The following MEI4 variants were observed in gnomAD, a reference collection of about 807,000 sequenced individuals.
MEI4 encodes meiosis-specific protein MEI4.
Under a neutral mutation model 31.4 loss-of-function variants are expected in MEI4, and 27 were observed. The observed-to-expected ratio is 0.86, with a 90% CI of 0.63 to 1.19. MEI4 has a LOEUF of 1.19. MEI4 is among the 50% of genes most tolerant of loss of function. The pLI, the probability that MEI4 is intolerant of heterozygous loss-of-function variation, is 0.00. For synonymous variants in MEI4, 122 were observed against 145.4 expected (o/e 0.84, Z 1.16); for missense variants, 329 against 398.9 (o/e 0.82, Z 1.49).
At chr6:77,818,914 G>A (rs1021756266) in intron 3 of MEI4, among the ~76,000 whole-genome samples, 1 of 151,834 alleles carries the variant, frequency 6.6e-6, no homozygotes, top group Non-Finnish European at 1.5e-5. Flanking sequence ...TTATTTGTAT[G>A]TTTTGTAGGT....
At chr6:77,858,015 TG>T (rs1770782968) in intron 4 of MEI4, among the ~76,000 whole-genome samples, 3 of 152,320 alleles carry the variant, frequency 2.0e-5, no homozygotes, top group Admixed American at 1.3e-4. Flanking sequence ...GACATATTTT[TG>T]TGTTTATAAT....
At chr6:77,822,998 A>G (rs1235278436) in intron 3 of MEI4, among the ~76,000 whole-genome samples, 2 of 152,140 alleles carry the variant, frequency 1.3e-5, no homozygotes, top group Non-Finnish European at 2.9e-5. Flanking sequence ...TAGCTGAGTC[A>G]CTGGCACATA....
At chr6:77,780,415 C>T (rs111390721) in intron 3 of MEI4, among the ~76,000 whole-genome samples, 2,229 of 152,156 alleles carry the variant, frequency 0.015, 55 homozygotes, top group African/African-American at 0.05. Context: ...AATAAATGTC[C>T]GCAGGGCCAG....
chr6:77,823,782 A>G (rs1769882081), intron 3 of MEI4, among the ~76,000 whole-genome samples: 1 of 152,194 alleles, frequency 6.6e-6, no homozygotes, highest in South Asian at 2.1e-4. Context: ...TGCTTCAGAA[A>G]GTAGGAAACA....
At chr6:77,778,346 T>A (rs2127689282) in intron 3 of MEI4, among the ~76,000 whole-genome samples, 1 of 152,192 alleles carries the variant, frequency 6.6e-6, no homozygotes, top group South Asian at 2.1e-4. Flanking sequence ...AGGGTGTTAC[T>A]TGCTATGGAA....
At chr6:77,727,988 T>C (rs1766869494) in intron 2 of MEI4, among the ~76,000 whole-genome samples, 1 of 152,210 alleles carries the variant, frequency 6.6e-6, no homozygotes, top group African/African-American at 2.4e-5. Context: ...AGGCAGAGAC[T>C]GTAATTGTAA....
At chr6:77,703,003 T>G (rs2127657197) in intron 2 of MEI4, among the ~76,000 whole-genome samples, 1 of 152,278 alleles carries the variant, frequency 6.6e-6, no homozygotes, top group African/African-American at 2.4e-5. Flanking sequence ...TGGGTCCCCA[T>G]TATATTCTGT....
chr6:77,699,434 C>CGCCCGCCTCG (rs1292308973), intron 2 of MEI4, among the ~76,000 whole-genome samples: 1 of 152,036 alleles, frequency 6.6e-6, no homozygotes, highest in Non-Finnish European at 1.5e-5. Flanking sequence ...CCTCGTGATC[C>CGCCCGCCTCG]GCCCGCCTCG....
At chr6:77,775,150 A>G (rs1487836775) in intron 3 of MEI4, among the ~76,000 whole-genome samples, 1 of 152,072 alleles carries the variant, frequency 6.6e-6, no homozygotes, top group Non-Finnish European at 1.5e-5. Flanking sequence ...TCTTCATCTC[A>G]GATTCTTAAT....
chr6:77,713,963 C>A (rs543736475), intron 2 of MEI4, among the ~76,000 whole-genome samples: 1 of 152,180 alleles, frequency 6.6e-6, no homozygotes, highest in Non-Finnish European at 1.5e-5. Flanking sequence ...TTAGCTCCTA[C>A]TTATAAGTAA....
intron 2 of MEI4, among the ~76,000 whole-genome samples, chr6:77,741,787 A>G (rs1767412379): frequency 9.8e-6 from 1 of 101,808 alleles, no homozygotes; most frequent in Non-Finnish European, 1.8e-5. Flanking sequence ...ACCCCACAAC[A>G]GTCCCCAGAG....
intron 1 of MEI4, among the ~76,000 whole-genome samples, chr6:77,672,708 T>A (rs6909460): frequency 0.37 from 56,932 of 151,890 alleles, 10,911 homozygotes; most frequent in African/African-American, 0.42. Flanking sequence ...CCTGGCTAAT[T>A]TTTGTATTTT....
At chr6:77,696,661 G>T (rs1355848736) in intron 2 of MEI4, among the ~76,000 whole-genome samples, 3 of 151,588 alleles carry the variant, frequency 2.0e-5, no homozygotes, top group South Asian at 4.2e-4. Context: ...GCTGGATTTG[G>T]TTTGCCAGTA....
chr6:77,738,537 G>C (rs1306262252), intron 2 of MEI4, among the ~76,000 whole-genome samples: 1 of 152,088 alleles, frequency 6.6e-6, no homozygotes, highest in Non-Finnish European at 1.5e-5. Context: ...ATTGTAAATA[G>C]TGCTGCAATA....
intron 2 of MEI4, among the ~76,000 whole-genome samples, chr6:77,737,523 G>T (rs1767284394): frequency 6.6e-6 from 1 of 152,188 alleles, no homozygotes; most frequent in Non-Finnish European, 1.5e-5. Context: ...ATTAGGAAAT[G>T]ATCAGAAAGT....
chr6:77,746,457 GC>G (rs1350894275), intron 2 of MEI4, among the ~76,000 whole-genome samples: 1 of 152,038 alleles, frequency 6.6e-6, no homozygotes, highest in Non-Finnish European at 1.5e-5. Flanking sequence ...CTGGGACATG[GC>G]ATTTATCCTG....
intron 4 of MEI4, among the ~76,000 whole-genome samples, chr6:77,857,088 A>T (rs1770764115): frequency 6.6e-6 from 1 of 152,116 alleles, no homozygotes; most frequent in East Asian, 1.9e-4. Context: ...TTTCTGGAGT[A>T]CATCTCCCAG....
chr6:77,743,531 C>T lies in MEI4; in HGVS notation c.233-17599C>T, dbSNP rs143220376. ...TTAAGGAGATTTTGGGCTGAGATGACGGGGTTTTCTAGATATACAGTCATG... is the reference window on the plus strand; with the variant it reads ...TTAAGGAGATTTTGGGCTGAGATGATGGGGTTTTCTAGATATACAGTCATG... On this transcript the variant is annotated intron_variant, in intron 2 of 4. Coordinates refer to ENST00000684080, the MANE Select transcript of MEI4 (RefSeq NM_001322247.2). 3.5e-3 allele frequency among the ~76,000 whole-genome samples: 526 copies of T among 152,182 alleles called. 2 individuals are homozygous for T. The highest frequency in any genetic ancestry group is 0.012 in the African/African-American group (505 of 41,532).
intron 3 of MEI4, among the ~76,000 whole-genome samples, chr6:77,826,768 A>G (rs1275721973): frequency 6.6e-6 from 1 of 152,150 alleles, no homozygotes; most frequent in Non-Finnish European, 1.5e-5. Context: ...GAAAATAACT[A>G]CTTCTGGAAC....
Sources: gnomAD v4.1 joint callset for allele counts (sites outside exome capture counted in the v4.1 genomes callset) on GRCh38, gnomAD v4.1.1 for gene constraint, MANE v1.5 for transcripts, NCBI Gene and HGNC (gene_info 2026-07-23, HGNC 2026-07-21) for gene names.